The following CPED1 variants were observed in gnomAD, a reference collection of about 807,000 sequenced individuals.
The protein encoded by CPED1 is cadherin like and PC-esterase domain containing 1.
A neutral mutation model predicts 128.2 loss-of-function variants in CPED1; 114 were observed. The ratio of observed to expected loss-of-function variants is 0.89; its 90% CI spans 0.76 to 1.04. The LOEUF (loss-of-function observed/expected upper bound fraction) is 1.04, where lower values mean the gene tolerates loss of function less well. CPED1 is among the 50% of genes least tolerant of loss of function. The pLI, the probability that CPED1 is intolerant of heterozygous loss-of-function variation, is 0.00. For synonymous variants in CPED1, 462 were observed against 426.7 expected (o/e 1.08, Z -1.02); for missense variants, 1,211 against 1,207.1 (o/e 1.00, Z -0.05).
chr7:121,214,740 A>G (rs1204969510), intron 16 of CPED1, among the ~76,000 whole-genome samples: 1 of 152,112 alleles, frequency 6.6e-6, no homozygotes, highest in Non-Finnish European at 1.5e-5. Context: ...AAAAATGAAT[A>G]TTAACTTTTA....
At chr7:121,246,764 A>AAAAG (rs1205253222) in intron 18 of CPED1, among the ~76,000 whole-genome samples, 1 of 152,236 alleles carries the variant, frequency 6.6e-6, no homozygotes, top group East Asian at 1.9e-4. Context: ...GGTTAAAAAA[A>AAAAG]AAAGATCATT....
At position 121,242,596 on chromosome 7, in the gene CPED1, A is replaced by G. The variant is rs1233619160; in HGVS notation, c.2174-1606A>G. Among the ~76,000 whole-genome samples, 12 of 152,342 alleles carry G rather than the reference A, an allele frequency of 7.9e-5. No individual in the cohort carries two copies. The East Asian group carries it at 2.3e-3, about 29-fold the overall frequency. On this transcript the variant is annotated intron_variant, in intron 17 of 22. Transcript: ENST00000310396. ...TTATCATTCCTGAAATTGCATAGAAAGTATTTAGTAGATAGACATTTAATA... is the reference window on the plus strand; with the variant it reads ...TTATCATTCCTGAAATTGCATAGAAGGTATTTAGTAGATAGACATTTAATA...
rs1317741208 is a variant in CPED1 at position 121,068,430 on chromosome 7, T to C, written c.616+4117T>C. On this transcript the variant is annotated intron_variant, in intron 5 of 22. Coordinates refer to ENST00000310396, the MANE Select transcript of CPED1 (RefSeq NM_024913.5). ...GTCAAAGATCAGATAGTTGTAGATATGTGGCATTATTTCTGAGGGCTCTGT... is the reference window on the plus strand; with the variant it reads ...GTCAAAGATCAGATAGTTGTAGATACGTGGCATTATTTCTGAGGGCTCTGT... 2.0e-5 allele frequency among the ~76,000 whole-genome samples: 3 copies of C among 152,010 alleles called. 1 individual carries two copies. In the South Asian group the frequency reaches 6.2e-4, roughly 32 times the overall value.
intron 2 of CPED1, among the ~76,000 whole-genome samples, chr7:120,995,631 C>T (rs1796384185): frequency 6.6e-6 from 1 of 152,076 alleles, no homozygotes; most frequent in Non-Finnish European, 1.5e-5. Context: ...AACCTCATGC[C>T]CAAATCAATG....
intron 16 of CPED1, among the ~76,000 whole-genome samples, chr7:121,142,948 A>C (rs1162964113): frequency 2.0e-5 from 3 of 151,940 alleles, no homozygotes; most frequent in African/African-American, 7.2e-5. Context: ...AGTAAAAGAG[A>C]GGTATTGCTG....
chr7:121,216,965 T>C (rs1204215174), intron 16 of CPED1, among the ~76,000 whole-genome samples: 2 of 152,060 alleles, frequency 1.3e-5, no homozygotes, highest in Non-Finnish European at 2.9e-5. Context: ...CTTTTGAATA[T>C]TGCATTTTTT....
intron 3 of CPED1, among the ~76,000 whole-genome samples, chr7:121,035,578 A>C (rs1294842018): frequency 1.3e-5 from 2 of 152,134 alleles, no homozygotes; most frequent in African/African-American, 4.8e-5. Flanking sequence ...TCAGGCCTGT[A>C]ATCCTAGCAC....
At position 121,115,321 on chromosome 7, in the gene CPED1, A is replaced by T. The variant is rs552973904; in HGVS notation, c.919-9010A>T. On this transcript the variant is annotated intron_variant, in intron 7 of 22. Transcript: ENST00000310396. ...GTGAGAGAGGTGTAAGGTAACTGAC[A>T]TGAGAAAGGTGTGAGAAAACAGCAG... Among the ~76,000 whole-genome samples, 46 of 152,338 alleles carry T rather than the reference A, an allele frequency of 3.0e-4. No homozygotes were observed. The South Asian group carries it at 9.3e-3, about 31-fold the overall frequency.
At chr7:121,238,163 T>C (rs1358764962) in intron 17 of CPED1, among the ~76,000 whole-genome samples, 1 of 152,206 alleles carries the variant, frequency 6.6e-6, no homozygotes, top group African/African-American at 2.4e-5. Flanking sequence ...CTAACTTATG[T>C]TAGGCTTTGT....
intron 18 of CPED1, among the ~76,000 whole-genome samples, chr7:121,251,271 C>T (rs1798666043): frequency 6.6e-6 from 1 of 152,206 alleles, no homozygotes; most frequent in African/African-American, 2.4e-5. Flanking sequence ...AACAACCCTT[C>T]ATGCTAAAAA....
chr7:121,220,786 C>G (rs976550223), intron 16 of CPED1, among the ~76,000 whole-genome samples: 1 of 151,974 alleles, frequency 6.6e-6, no homozygotes, highest in African/African-American at 2.4e-5. Context: ...TCTTAATCTT[C>G]TAAGAGATCC....
chr7:121,038,790 T>C (rs994133444), intron 3 of CPED1, among the ~76,000 whole-genome samples: 1 of 152,040 alleles, frequency 6.6e-6, no homozygotes, highest in Non-Finnish European at 1.5e-5. Flanking sequence ...GAGGAACTGG[T>C]CAGCTATTTT....
intron 16 of CPED1, among the ~76,000 whole-genome samples, chr7:121,143,247 A>C (rs1302023053): frequency 6.6e-6 from 1 of 152,068 alleles, no homozygotes; most frequent in African/African-American, 2.4e-5. Context: ...CCATGGTCAA[A>C]TAAACCCATT....
chr7:121,199,106 C>T (rs1797330944), intron 16 of CPED1, among the ~76,000 whole-genome samples: 1 of 152,112 alleles, frequency 6.6e-6, no homozygotes, highest in Admixed American at 6.5e-5. Context: ...TACAAGTGCT[C>T]TTTAGCATTT....
intron 22 of CPED1, among the ~76,000 whole-genome samples, chr7:121,281,435 C>A (rs1402220056): frequency 1.3e-5 from 2 of 152,122 alleles, no homozygotes; most frequent in Non-Finnish European, 2.9e-5. Context: ...TAGGCCAAAT[C>A]CAGTCAAGTT....
At chr7:121,128,788 C>T (rs1299312324) in intron 11 of CPED1, among the ~76,000 whole-genome samples, 3 of 152,086 alleles carry the variant, frequency 2.0e-5, no homozygotes, top group Non-Finnish European at 2.9e-5. Context: ...AGAAGTTTTA[C>T]TTTTAGCTTC....
At chr7:121,117,077 T>TTA (rs34007948) in intron 7 of CPED1, among the ~76,000 whole-genome samples, 1,802 of 128,738 alleles carry the variant, frequency 0.014, 53 homozygotes, top group African/African-American at 0.037. Flanking sequence ...TATATACACA[T>TTA]TATATATATA....
intron 3 of CPED1, among the ~76,000 whole-genome samples, chr7:121,025,293 C>T (rs1187416464): frequency 4.6e-5 from 7 of 152,030 alleles, no homozygotes; most frequent in Admixed American, 1.3e-4. Flanking sequence ...TCTATAATGA[C>T]TTTCACCCCC....
intron 16 of CPED1, among the ~76,000 whole-genome samples, chr7:121,176,306 T>G (rs936444060): frequency 6.7e-6 from 1 of 149,642 alleles, no homozygotes; most frequent in African/African-American, 2.5e-5. Context: ...TATCCATAAA[T>G]AAATCACAAA....
Sources: gnomAD v4.1 joint callset for allele counts (sites outside exome capture counted in the v4.1 genomes callset) on GRCh38, gnomAD v4.1.1 for gene constraint, MANE v1.5 for transcripts, NCBI Gene and HGNC (gene_info 2026-07-23, HGNC 2026-07-21) for gene names.